The following PAX2 variants were observed in gnomAD, a reference collection of about 807,000 sequenced individuals.
PAX2 encodes paired box 2, also known as paired box protein Pax-2.
PAX2 carries 9 observed loss-of-function variants against 41.7 expected under a neutral mutation model. The observed-to-expected ratio is 0.22, with a 90% CI of 0.13 to 0.38. The LOEUF (loss-of-function observed/expected upper bound fraction) is 0.38, where lower values mean the gene tolerates loss of function less well. Among genes scored for constraint, PAX2 ranks in the 10% least tolerant of loss-of-function variants. PAX2 has a pLI of 1.00. For missense variants in PAX2, 418 were observed against 531.6 expected (o/e 0.79, Z 2.10); for synonymous variants, 221 against 212.7 (o/e 1.04, Z -0.34).
chr10:100,740,016 T>G (rs1844898688), intron 1 of PAX2, among the ~76,000 whole-genome samples: 1 of 152,158 alleles, frequency 6.6e-6, no homozygotes, highest in Non-Finnish European at 1.5e-5. Flanking sequence ...AAGGTCCTCT[T>G]TCTTCCCCTC....
intron 1 of PAX2, among the ~76,000 whole-genome samples, chr10:100,737,833 C>T (rs1844828095): frequency 6.6e-6 from 1 of 152,192 alleles, no homozygotes; most frequent in Admixed American, 6.5e-5. Context: ...AACGTGCCTG[C>T]CGGACGTCCT....
At chr10:100,761,982 C>A (rs1284585807) in intron 3 of PAX2, among the ~76,000 whole-genome samples, 3 of 152,196 alleles carry the variant, frequency 2.0e-5, no homozygotes, top group Admixed American at 1.3e-4. Context: ...GGGGTATAGA[C>A]CCCCAAAATC....
At position 100,825,008 on chromosome 10, in the gene PAX2, G is replaced by A. The variant is rs374646724; in HGVS notation, c.1021+259G>A. On this transcript the variant is annotated intron_variant, in intron 8 of 9. Coordinates refer to ENST00000355243, the MANE Select transcript of PAX2 (RefSeq NM_000278.5). ...CTGTATGTCATGGCCCCTCCACAGC[G>A]CCCACCCACCCAAGTCTGTGCCCGA... is the stretch of plus-strand genomic sequence containing the variant. 7.3e-5 allele frequency: 116 copies of A among 1,588,206 alleles called. No homozygotes were observed. The African/African-American group carries it at 8.6e-4, about 12-fold the overall frequency.
Position 100,748,784 on chromosome 10 carries a change from T to A in PAX2, c.44-962T>A. 1.0e-6 allele frequency: 1 copy of A among 985,328 alleles called. No individual in the cohort carries two copies. The highest frequency in any genetic ancestry group is 1.2e-6 in the Non-Finnish European group (1 of 829,890). The allele number at this position is 985,328 out of a possible 1,614,324, so 61.0% of individuals were successfully genotyped here. A position where few individuals can be genotyped will look rare whatever the true frequency, so the allele number is the denominator to read the frequency against. ...CAAAAGCCCGAGCCGCTCGGTTTCC[T>A]GGGGGGGCTGCCGAGGTCTGAGGGG... On this transcript the variant is annotated intron_variant, in intron 1 of 9. Coordinates refer to ENST00000355243, the MANE Select transcript of PAX2 (RefSeq NM_000278.5). This position sits in a 1 kb window ranked among gnomAD's most constrained non-coding sequence, Gnocchi z 5.0.
At chr10:100,822,836 G>A (rs1007891369) in intron 7 of PAX2, among the ~76,000 whole-genome samples, 6 of 152,176 alleles carry the variant, frequency 3.9e-5, no homozygotes, top group African/African-American at 1.4e-4. Flanking sequence ...TAAGTTGGAT[G>A]GAGAGAGTAC....
intron 3 of PAX2, among the ~76,000 whole-genome samples, chr10:100,777,894 T>A (rs1415133131): frequency 6.6e-6 from 1 of 152,190 alleles, no homozygotes; most frequent in Non-Finnish European, 1.5e-5. Context: ...CACATCCAAG[T>A]TTTCATTCTT....
chr10:100,745,414 G>T (rs1452124257), upstream of PAX2, among the ~76,000 whole-genome samples: 6 of 148,044 alleles, frequency 4.1e-5, no homozygotes, highest in Admixed American at 1.3e-4. Flanking sequence ...TGACAGGCTC[G>T]GGGCCCTCCT....
upstream of PAX2, among the ~76,000 whole-genome samples, chr10:100,742,071 C>A (rs796188960): frequency 3.9e-5 from 6 of 152,312 alleles, no homozygotes; most frequent in African/African-American, 1.4e-4. Flanking sequence ...GGAGGCCGGG[C>A]GCCTGGGCCC....
At chr10:100,746,830 A>G (rs1208733980) in intron 1 of PAX2, among the ~76,000 whole-genome samples, 2 of 152,228 alleles carry the variant, frequency 1.3e-5, no homozygotes, top group Non-Finnish European at 2.9e-5. Context: ...CCTCAGTGTC[A>G]GGACAATTGG....
intron 5 of PAX2, among the ~76,000 whole-genome samples, chr10:100,798,135 G>T (rs1227099925): frequency 1.4e-5 from 2 of 140,594 alleles, no homozygotes; most frequent in African/African-American, 5.5e-5. Context: ...TTTTAGACAG[G>T]GTCAGGGTCT....
intron 7 of PAX2, among the ~76,000 whole-genome samples, chr10:100,819,194 G>A (rs1459844321): frequency 6.6e-6 from 1 of 151,706 alleles, no homozygotes; most frequent in Non-Finnish European, 1.5e-5. Flanking sequence ...GTTGCAGTGA[G>A]TGGAGATTGC....
intron 3 of PAX2, among the ~76,000 whole-genome samples, chr10:100,758,357 G>A (rs11190686): frequency 0.016 from 2,501 of 152,194 alleles, 91 homozygotes; most frequent in African/African-American, 0.058. Context: ...AGCCGGGATG[G>A]TCTCGATCTC....
chr10:100,783,981 G>A (rs1846747099), intron 5 of PAX2, among the ~76,000 whole-genome samples: 1 of 152,084 alleles, frequency 6.6e-6, no homozygotes, highest in South Asian at 2.1e-4. Context: ...TGGAGGCCTG[G>A]CCTATGAGGG....
chr10:100,769,706 GTTA>G (rs1846150762), intron 3 of PAX2, among the ~76,000 whole-genome samples: 2 of 150,750 alleles, frequency 1.3e-5, no homozygotes, highest in South Asian at 4.2e-4. Context: ...GTATATTATT[GTTA>G]TTATTATTAA....
intron 3 of PAX2, among the ~76,000 whole-genome samples, chr10:100,751,190 G>A (rs966707102): frequency 6.6e-6 from 1 of 152,310 alleles, no homozygotes; most frequent in Middle Eastern, 3.4e-3. Flanking sequence ...CCAGCCTTGG[G>A]ATCTTGAGAC....
At chr10:100,770,412 G>A (rs536054383) in intron 3 of PAX2, among the ~76,000 whole-genome samples, 5 of 152,368 alleles carry the variant, frequency 3.3e-5, no homozygotes, top group South Asian at 2.1e-4. Context: ...AGTGGTGAGA[G>A]GCGCTAGTCT....
intron 1 of PAX2, among the ~76,000 whole-genome samples, chr10:100,735,898 T>TGGGCCGTCCCTCCC (rs1844767392): frequency 6.6e-6 from 1 of 152,244 alleles, no homozygotes; most frequent in Non-Finnish European, 1.5e-5. Context: ...TGGGGCCTCC[T>TGGGCCGTCCCTCCC]GGGCCGTCCC....
At chr10:100,808,943 C>T (rs77989376) in intron 6 of PAX2, among the ~76,000 whole-genome samples, 167 bp from the exon 7 acceptor site, 239 of 152,332 alleles carry the variant, frequency 1.6e-3, no homozygotes, top group African/African-American at 5.7e-3. Flanking sequence ...CTACTACCCG[C>T]ACAAAACTTG....
rs1848550021 is a variant in PAX2 at position 100,826,061 on chromosome 10, T to A, written c.1022-948T>A. Reference sequence around the variant, plus strand: ...GTCGTTAAACAGAATCTAGTGCTGATGAGGAAATTACACTTGTTTCATTAG... The same window carrying A: ...GTCGTTAAACAGAATCTAGTGCTGAAGAGGAAATTACACTTGTTTCATTAG... On this transcript the variant is annotated intron_variant, in intron 8 of 9. Transcript: ENST00000355243. This position sits in a 1 kb window ranked among gnomAD's most constrained non-coding sequence, Gnocchi z 5.5. 6.6e-6 allele frequency among the ~76,000 whole-genome samples: 1 copy of A among 151,828 alleles called. No homozygotes were observed. Among genetic ancestry groups the A allele is most frequent in the South Asian group, 2.1e-4 (1 of 4,790 alleles).
Sources: allele counts gnomAD v4.1 joint callset (sites outside exome capture counted in the v4.1 genomes callset), GRCh38; gene constraint gnomAD v4.1.1; non-coding constraint Gnocchi (gnomAD v3.1); transcripts MANE v1.5; gene names NCBI Gene and HGNC (gene_info 2026-07-23, HGNC 2026-07-21).